PLEKHM1: variants seen among roughly 807,000 people sequenced by gnomAD.
PLEKHM1 encodes the protein pleckstrin homology domain-containing family M member 1.
A neutral mutation model predicts 94.3 loss-of-function variants in PLEKHM1; 28 were observed. That is an observed-to-expected ratio of 0.30 (90% CI 0.22 to 0.41). The LOEUF (loss-of-function observed/expected upper bound fraction) is 0.41. Among genes scored for constraint, PLEKHM1 ranks in the 10% least tolerant of loss-of-function variants. The pLI, the probability that PLEKHM1 is intolerant of heterozygous loss-of-function variation, is 1.00. For synonymous variants in PLEKHM1, 424 were observed against 581.2 expected (o/e 0.73, Z 3.89); for missense variants, 907 against 1,358.6 (o/e 0.67, Z 5.22).
intron 7 of PLEKHM1, chr17:45,452,982 A>T (rs2050816936): frequency 2.3e-6 from 1 of 428,158 alleles, no homozygotes; most frequent in East Asian, 4.7e-5. Context: ...GTGTACACTT[A>T]TAAAAGCAGC....
intron 2 of PLEKHM1, among the ~76,000 whole-genome samples, chr17:45,479,320 C>G (rs2051861263): frequency 6.6e-6 from 1 of 152,048 alleles, no homozygotes; most frequent in African/African-American, 2.4e-5. Flanking sequence ...AAGATCGAGA[C>G]CATCCTGGAT....
intron 1 of PLEKHM1, among the ~76,000 whole-genome samples, chr17:45,483,634 A>C (rs1418753650): frequency 6.6e-6 from 1 of 152,220 alleles, no homozygotes; most frequent in African/African-American, 2.4e-5. Flanking sequence ...ATCACCGCAC[A>C]AAGAAGTTAA....
rs147623241 is a variant in PLEKHM1, at chr17:45,450,618, C to T, written c.2643G>A (p.Pro881=). ...CTGGGCTGCTGGGCTTGAGACTTAC[C>T]GGGCGCTTGGTGAGGTCCCAGTTGT... ...IIHNWDLTKR[P]ICRQALKFLT... is the part of the protein sequence containing the mutation. The change falls in exon 8 of 12, where the codon CCG becomes CCA. Residue 881 remains proline (P), a splice_region_variant and synonymous_variant. Coordinates refer to ENST00000430334, the MANE Select transcript of PLEKHM1 (RefSeq NM_014798.3). The T allele has an allele frequency of 9.3e-6, 15 of 1,613,480 alleles. No individual in the cohort carries two copies. The highest frequency in any genetic ancestry group is 1.3e-5 in the Non-Finnish European group (15 of 1,179,826).
chr17:45,452,989 C>A (rs996089043), intron 7 of PLEKHM1: 3 of 448,310 alleles, frequency 6.7e-6, no homozygotes, highest in Non-Finnish European at 1.2e-5. Context: ...CTTATAAAAG[C>A]AGCAGAAATA....
Position 45,439,990 on chromosome 17 carries a change from TCCCTGCCCAGGAAGCTGG to T in PLEKHM1, c.2901+155_2901+172del. On this transcript the variant is annotated intron_variant, in intron 10 of 11. Transcript: ENST00000430334. ...ATTCCAGGGGTGCTGGGGGTATCCGTCCCTGCCCAGGAAGCTGGGGCAGCAGGGCAACCCACCCTGAGC... is the reference window on the plus strand; with the variant it reads ...ATTCCAGGGGTGCTGGGGGTATCCGTGGCAGCAGGGCAACCCACCCTGAGC... 9 of 684,646 alleles carry T rather than the reference TCCCTGCCCAGGAAGCTGG, an allele frequency of 1.3e-5. No individual in the cohort carries two copies. In the South Asian group the frequency reaches 1.5e-4, roughly 11 times the overall value. 42.4% of individuals were successfully genotyped at this position (684,646 alleles called of 1,614,324 possible).
At chr17:45,480,717 C>T (rs2051925068) in intron 2 of PLEKHM1, among the ~76,000 whole-genome samples, 1 of 152,194 alleles carries the variant, frequency 6.6e-6, no homozygotes, top group South Asian at 2.1e-4. Flanking sequence ...TTTCACTTAG[C>T]ATATTTTCCA....
At chr17:45,486,067 A>G (rs1330088460) in intron 1 of PLEKHM1, among the ~76,000 whole-genome samples, 1 of 143,670 alleles carries the variant, frequency 7.0e-6, no homozygotes, top group African/African-American at 2.6e-5. Context: ...ATACAAAAAA[A>G]TTAGCCGGGT....
intron 8 of PLEKHM1, among the ~76,000 whole-genome samples, chr17:45,448,553 A>G (rs2050680105): frequency 1.3e-5 from 2 of 152,216 alleles, no homozygotes; most frequent in Admixed American, 6.5e-5. Context: ...GCACCCCTTG[A>G]GGCAGACACT....
chr17:45,477,711 A>C, intron 3 of PLEKHM1, 189 bp downstream of exon 3: 1 of 666,314 alleles, frequency 1.5e-6, no homozygotes, highest in Non-Finnish European at 2.7e-6. Flanking sequence ...ATCTGCTGGC[A>C]CACTGGCTGG....
intron 9 of PLEKHM1, 92 bp from the exon 10 acceptor site, chr17:45,440,318 C>T (rs1430077411): frequency 7.8e-7 from 1 of 1,280,294 alleles, no homozygotes; most frequent in East Asian, 2.3e-5. Flanking sequence ...CGCTGCTCAC[C>T]AGGCAGACAC....
At chr17:45,456,324 C>G (rs1443220982) in intron 6 of PLEKHM1, 1 of 152,262 alleles carries the variant, frequency 6.6e-6, no homozygotes, top group Non-Finnish European at 1.5e-5. Flanking sequence ...ATGTCTCCAG[C>G]ACTTAGAACA....
chr17:45,448,562 C>T (rs190976510), intron 8 of PLEKHM1, among the ~76,000 whole-genome samples: 2 of 152,336 alleles, frequency 1.3e-5, no homozygotes, highest in Admixed American at 1.3e-4. Context: ...GAGGCAGACA[C>T]TAACCAAGTG....
At position 45,490,714 on chromosome 17, in the gene PLEKHM1, C is replaced by G. The variant is rs554988797; in HGVS notation, c.-104G>C. On this transcript the variant is annotated 5_prime_UTR_variant, in exon 1 of 12. Coordinates refer to ENST00000430334, the MANE Select transcript of PLEKHM1 (RefSeq NM_014798.3). ...CCGCGGCAGCCCCTCAGCCTCCGAG[C>G]CGACGATGCGGTCTCTCGGCCACTG... 60 of 451,236 alleles carry G rather than the reference C, an allele frequency of 1.3e-4. No homozygotes were observed. The highest frequency in any genetic ancestry group is 9.5e-4 in the African/African-American group (47 of 49,368). 28.0% of individuals were successfully genotyped at this position (451,236 alleles called of 1,614,324 possible). A position where few individuals can be genotyped will look rare whatever the true frequency, so the allele number is the denominator to read the frequency against.
chr17:45,458,890 T>A (rs2051066881), intron 5 of PLEKHM1, among the ~76,000 whole-genome samples: 1 of 151,288 alleles, frequency 6.6e-6, no homozygotes, highest in Admixed American at 6.6e-5. Flanking sequence ...CCCAGCACTT[T>A]GGGAGGCTGA....
rs71238846 is a variant in PLEKHM1, at chr17:45,475,171, G to A, written c.852C>T (p.Cys284=). ...CTGAGTCACAGGACATGGGCTCCTC[G>A]CAATGGTCTGGACTCTTGGAGCCAT... is the stretch of plus-strand genomic sequence containing the variant. ...QENGSKSPDH[C]EEPMSCDSDL... The change falls in exon 4 of 12, where the codon TGC becomes TGT. Residue 284 remains cysteine (C), a synonymous_variant. Transcript: ENST00000430334. 0.16 allele frequency: 256,376 copies of A among 1,613,816 alleles called. 23,069 individuals carry two copies. The highest frequency in any genetic ancestry group is 0.2 in the Middle Eastern group (1,196 of 6,056).
intron 5 of PLEKHM1, among the ~76,000 whole-genome samples, chr17:45,466,205 G>A (rs1196464976): frequency 6.6e-6 from 1 of 152,138 alleles, no homozygotes; most frequent in Non-Finnish European, 1.5e-5. Context: ...TATCCATATG[G>A]AAAAATATGA....
chr17:45,458,956 G>C (rs1051966476), intron 5 of PLEKHM1, among the ~76,000 whole-genome samples: 1 of 151,556 alleles, frequency 6.6e-6, no homozygotes, highest in Non-Finnish European at 1.5e-5. Context: ...AACACAGTGA[G>C]AACCCATCTC....
At chr17:45,486,982 T>A (rs1251172856) in intron 1 of PLEKHM1, among the ~76,000 whole-genome samples, 1 of 152,102 alleles carries the variant, frequency 6.6e-6, no homozygotes, top group Non-Finnish European at 1.5e-5. Flanking sequence ...CCACTTTCTG[T>A]CCTCAAAACG....
rs1485903388 is a variant in PLEKHM1 at position 45,436,255 on chromosome 17, T to A, written c.*1603A>T. On this transcript the variant is annotated 3_prime_UTR_variant, in exon 12 of 12. Transcript: ENST00000430334. Reference sequence around the variant, plus strand: ...ATGAGGGCTCTGACTAGGCTGGGCTTGTGGTGGAGCGTTAATGTGGGCCAT... The same window carrying A: ...ATGAGGGCTCTGACTAGGCTGGGCTAGTGGTGGAGCGTTAATGTGGGCCAT... 6.6e-6 allele frequency: 3 copies of A among 454,108 alleles called. No individual in the cohort carries two copies. The highest frequency in any genetic ancestry group is 1.3e-5 in the Non-Finnish European group (3 of 226,858). The allele number at this position is 454,108 out of a possible 1,614,324, so 28.1% of individuals were successfully genotyped here.
Sources: gnomAD v4.1 joint callset for allele counts (sites outside exome capture counted in the v4.1 genomes callset) on GRCh38, gnomAD v4.1.1 for gene constraint, MANE v1.5 for transcripts, NCBI Gene and HGNC (gene_info 2026-07-23, HGNC 2026-07-21) for gene names.